The following BCAS3 variants were observed in gnomAD, a reference collection of about 807,000 sequenced individuals.
BCAS3 encodes BCAS3 microtubule associated cell migration factor, also known as BCAS4/BCAS3 fusion.
In BCAS3, 53 loss-of-function variants were observed where a neutral mutation model predicts 116.1. The ratio of observed to expected loss-of-function variants is 0.46; its 90% CI spans 0.37 to 0.57. The LOEUF (loss-of-function observed/expected upper bound fraction) is 0.57. Ranked by LOEUF, BCAS3 falls within the 20% of genes least tolerant of loss-of-function variation. The probability of loss-of-function intolerance (pLI) is 0.00; values close to 1 mark genes in which losing one functional copy is unlikely to be tolerated. For missense variants in BCAS3, 917 were observed against 1,165.4 expected (o/e 0.79, Z 3.10); for synonymous variants, 391 against 408.2 (o/e 0.96, Z 0.51).
chr17:61,135,571 G>T (rs1601504177), intron 22 of BCAS3, among the ~76,000 whole-genome samples: 1 of 152,174 alleles, frequency 6.6e-6, no homozygotes, highest in African/African-American at 2.4e-5. Flanking sequence ...TAGCTGACTT[G>T]TCACCTTGAG....
intron 10 of BCAS3, among the ~76,000 whole-genome samples, chr17:60,900,483 AGG>A (rs2057813509): frequency 6.6e-6 from 1 of 152,180 alleles, no homozygotes; most frequent in South Asian, 2.1e-4. Context: ...CTAGCCAAGC[AGG>A]CTACTTGTCT....
rs187062981 is a variant in BCAS3, at chr17:61,275,082, C to T, written c.2426-93245C>T. On this transcript the variant is annotated intron_variant, in intron 22 of 23. Transcript: ENST00000407086. ...GCCCAGGCTAGTCTCAACTCCTGGG[C>T]TCAAGCGATCCTCTCACATCAGCCT... Among the ~76,000 whole-genome samples the T allele has an allele frequency of 1.1e-4, 17 of 151,964 alleles. 1 individual carries two copies. Among genetic ancestry groups the T allele is most frequent in the African/African-American group, 4.1e-4 (17 of 41,442 alleles).
At position 61,191,028 on chromosome 17, in the gene BCAS3, C is replaced by T. The variant is rs375517336; in HGVS notation, c.2425+106464C>T. ...TGAGGTTACAATGAGCTATGCATCA[C>T]CACTGTACTCCAGCCTGGGTGACAG... On this transcript the variant is annotated intron_variant, in intron 22 of 23. Coordinates refer to ENST00000407086, the MANE Select transcript of BCAS3 (RefSeq NM_017679.5). Among the ~76,000 whole-genome samples the T allele has an allele frequency of 2.0e-5, 3 of 151,858 alleles. No individual in the cohort carries two copies. The East Asian group carries it at 5.8e-4, about 29-fold the overall frequency.
rs371054853 is a variant in BCAS3 at position 60,710,532 on chromosome 17, C to T, written c.321+1207C>T. Among the ~76,000 whole-genome samples the T allele has an allele frequency of 7.3e-5, 11 of 150,422 alleles. No homozygotes were observed. In the East Asian group the frequency reaches 8.0e-4, roughly 11 times the overall value. On this transcript the variant is annotated intron_variant, in intron 5 of 23. Coordinates refer to ENST00000407086, the MANE Select transcript of BCAS3 (RefSeq NM_017679.5). ...CTGCAAGCTCTGCCTCCCGGGTTAA[C>T]GCCATTCTCCTGCCTCAGCCTCTCA...
At chr17:61,067,166 T>C (rs1024445467) in intron 19 of BCAS3, among the ~76,000 whole-genome samples, 2 of 149,988 alleles carry the variant, frequency 1.3e-5, no homozygotes, top group African/African-American at 4.9e-5. Flanking sequence ...ATATTATTAA[T>C]TGACTTTTTG....
intron 22 of BCAS3, among the ~76,000 whole-genome samples, chr17:61,260,674 G>C (rs2049125362): frequency 6.6e-6 from 1 of 152,228 alleles, no homozygotes; most frequent in Non-Finnish European, 1.5e-5. Context: ...GGCCAAGTCA[G>C]ACAACTGCAG....
At chr17:60,908,690 A>G (rs1232875169) in intron 11 of BCAS3, among the ~76,000 whole-genome samples, 1 of 152,166 alleles carries the variant, frequency 6.6e-6, no homozygotes, top group African/African-American at 2.4e-5. Flanking sequence ...TGTGTTTTAT[A>G]ATCGCGGGAG....
In BCAS3 at chr17:61,380,234, C is replaced by G. The variant is rs2059541905; in HGVS notation, c.2593+11740C>G. On this transcript the variant is annotated intron_variant, in intron 23 of 23. Transcript: ENST00000407086. This position sits in a 1 kb window ranked among gnomAD's most constrained non-coding sequence, Gnocchi z 4.2. ...GGCTTTCTCTCTACATCATTCCCTA[C>G]CCCAGCCCTGTGCAGCAGGCAGGAG... 19 of 490,368 alleles carry G rather than the reference C, an allele frequency of 3.9e-5. No homozygotes were observed. The South Asian group carries it at 4.5e-4, about 11-fold the overall frequency. The allele number at this position is 490,368 out of a possible 1,614,324, so 30.4% of individuals were successfully genotyped here.
chr17:61,080,164 C>T (rs2072448882), intron 21 of BCAS3, among the ~76,000 whole-genome samples: 2 of 151,980 alleles, frequency 1.3e-5, no homozygotes, highest in South Asian at 4.2e-4. Flanking sequence ...CTCTGCCTCC[C>T]AAAGTGTGGG....
intron 16 of BCAS3, among the ~76,000 whole-genome samples, chr17:61,024,135 G>C (rs1244813009): frequency 6.6e-6 from 1 of 152,064 alleles, no homozygotes; most frequent in Non-Finnish European, 1.5e-5. Flanking sequence ...TTTGTACTTT[G>C]TGACTTTATA....
At chr17:60,862,400 T>C (rs2054233025) in intron 7 of BCAS3, among the ~76,000 whole-genome samples, 2 of 152,226 alleles carry the variant, frequency 1.3e-5, no homozygotes, top group South Asian at 4.1e-4. Context: ...CTTTTCTTTA[T>C]ACATCTAGTA....
intron 22 of BCAS3, among the ~76,000 whole-genome samples, chr17:61,149,785 A>G (rs1162266288): frequency 3.9e-5 from 6 of 152,222 alleles, no homozygotes; most frequent in Non-Finnish European, 7.3e-5. Context: ...AAATTAACCA[A>G]ATATTAAAAT....
At chr17:61,011,511 C>A (rs1196969564) in intron 15 of BCAS3, among the ~76,000 whole-genome samples, 2 of 152,064 alleles carry the variant, frequency 1.3e-5, no homozygotes, top group Non-Finnish European at 2.9e-5. Flanking sequence ...CATCTGGCAA[C>A]CTTCTGAAGT....
chr17:61,380,346 T>C lies in BCAS3; in HGVS notation c.2594-11631T>C. ...GGCTAGTGAGAAATCTGTAAAACCC[T>C]AGATGTGCTGTGCCTGGGAACAGAC... On this transcript the variant is annotated intron_variant, in intron 23 of 23. Coordinates refer to ENST00000407086, the MANE Select transcript of BCAS3 (RefSeq NM_017679.5). The surrounding 1 kb of genome is among the most constrained non-coding windows in gnomAD (Gnocchi z 4.2). 1.5e-6 allele frequency: 1 copy of C among 655,914 alleles called. No homozygotes were observed. The highest frequency in any genetic ancestry group is 1.8e-5 in the South Asian group (1 of 56,422). 40.6% of individuals were successfully genotyped at this position (655,914 alleles called of 1,614,324 possible).
intron 6 of BCAS3, among the ~76,000 whole-genome samples, chr17:60,803,502 T>G (rs1462965841): frequency 6.6e-6 from 1 of 152,190 alleles, no homozygotes; most frequent in Non-Finnish European, 1.5e-5. Flanking sequence ...TTCCAAAATT[T>G]CTTGGGGTTA....
intron 4 of BCAS3, among the ~76,000 whole-genome samples, chr17:60,708,280 G>A (rs1443649427): frequency 6.7e-6 from 1 of 149,260 alleles, no homozygotes; most frequent in Non-Finnish European, 1.5e-5. Context: ...AGCTATGATG[G>A]CACCACTGTA....
At chr17:60,868,171 C>G (rs1480385952) in intron 7 of BCAS3, among the ~76,000 whole-genome samples, 1 of 151,900 alleles carries the variant, frequency 6.6e-6, no homozygotes, top group African/African-American at 2.4e-5. Context: ...ACTACAGGCA[C>G]ATGCCACCAT....
Position 61,204,699 on chromosome 17 carries a change from C to T in BCAS3, c.2425+120135C>T, listed in dbSNP as rs1474558783. ...ATTAATTGCTCAGTCTTTACCTTGG[C>T]GGAGAATGAAAAACTGCCTTGGAAC... On this transcript the variant is annotated intron_variant, in intron 22 of 23. Transcript: ENST00000407086. This position sits in a 1 kb window ranked among gnomAD's most constrained non-coding sequence, Gnocchi z 4.2. 4.6e-5 allele frequency among the ~76,000 whole-genome samples: 7 copies of T among 151,882 alleles called. No individual in the cohort carries two copies. The highest frequency in any genetic ancestry group is 2.1e-4 in the South Asian group (1 of 4,824).
In BCAS3 at chr17:61,077,583, C is replaced by A. The variant is rs1386038303; in HGVS notation, c.2131-750C>A. Among the ~76,000 whole-genome samples the A allele has an allele frequency of 1.3e-5, 2 of 151,994 alleles. No individual in the cohort carries two copies. Among genetic ancestry groups the A allele is most frequent in the Non-Finnish European group, 2.9e-5 (2 of 67,976 alleles). ...AACATTCCCTATCCCCCCCATTGAGCGTGAAATTCATAAAGCATTTTGGTA... is the reference window on the plus strand; with the variant it reads ...AACATTCCCTATCCCCCCCATTGAGAGTGAAATTCATAAAGCATTTTGGTA... On this transcript the variant is annotated intron_variant, in intron 20 of 23. Coordinates refer to ENST00000407086, the MANE Select transcript of BCAS3 (RefSeq NM_017679.5). The surrounding 1 kb of genome is among the most constrained non-coding windows in gnomAD (Gnocchi z 4.3).
Sources: allele counts gnomAD v4.1 joint callset (sites outside exome capture counted in the v4.1 genomes callset), GRCh38; gene constraint gnomAD v4.1.1; non-coding constraint Gnocchi (gnomAD v3.1); transcripts MANE v1.5; gene names NCBI Gene and HGNC (gene_info 2026-07-23, HGNC 2026-07-21).